The following ABCB1 variants were observed in gnomAD, a reference collection of about 807,000 sequenced individuals.
The protein encoded by ABCB1 is ATP-dependent translocase ABCB1.
ABCB1 carries 69 observed loss-of-function variants against 142.0 expected under a neutral mutation model. The ratio of observed to expected loss-of-function variants is 0.49; its 90% CI spans 0.40 to 0.59. The LOEUF (loss-of-function observed/expected upper bound fraction) is 0.59, where lower values mean the gene tolerates loss of function less well. Among genes scored for constraint, ABCB1 ranks in the 20% least tolerant of loss-of-function variants. ABCB1 has a pLI of 0.00. For missense variants in ABCB1, 1,326 were observed against 1,554.7 expected, an observed-to-expected ratio of 0.85 and a Z score of 2.47; for synonymous variants, 532 against 539.2, an observed-to-expected ratio of 0.99 and a Z score of 0.18.
chr7:87,628,541 C>T, intron 1 of ABCB1: 1 of 296,480 alleles, frequency 3.4e-6, no homozygotes, highest in Non-Finnish European at 6.2e-6. Flanking sequence ...AGGCGCAGCC[C>T]GGCAGTCGGC....
chr7:87,515,427 T>C lies in ABCB1; in HGVS notation c.3086A>G (p.Asn1029Ser), dbSNP rs771856280. ...DSYSTEGLMP[N>S]TLEGNVTFGE... is the part of the protein sequence containing the mutation. ...AAATGTGACATTTCCTTCCAATGTG[T>C]TCTGCAATGAGAAGAATAACAGTAA... The change falls in exon 25 of 28, where the codon AAC (asparagine) becomes AGC (serine). Residue 1029 changes from asparagine to serine, a missense_variant and splice_region_variant. Physicochemically the swap from Asn to Ser is conservative, Grantham distance 46. Coordinates refer to ENST00000622132, the MANE Select transcript of ABCB1 (RefSeq NM_001348946.2). 84 of 1,613,954 alleles carry C rather than the reference T, an allele frequency of 5.2e-5. No homozygotes were observed. Among genetic ancestry groups the C allele is most frequent in the Non-Finnish European group, 6.6e-5 (78 of 1,179,928 alleles).
At chr7:87,534,915 T>C (rs6973406) in intron 20 of ABCB1, among the ~76,000 whole-genome samples, 1,557 of 96,384 alleles carry the variant, frequency 0.016, 36 homozygotes, top group African/African-American at 0.082. Flanking sequence ...ACCCTGTCTC[T>C]TTAAAAAAAA....
intron 3 of ABCB1, among the ~76,000 whole-genome samples, chr7:87,593,425 T>C (rs2129969448): frequency 6.6e-6 from 1 of 152,338 alleles, no homozygotes; most frequent in African/African-American, 2.4e-5. Flanking sequence ...TTTTTAAGAT[T>C]GCTAAAAAAT....
intron 21 of ABCB1, 88 bp downstream of exon 21, chr7:87,531,206 G>T: frequency 9.0e-7 from 1 of 1,114,308 alleles, no homozygotes; most frequent in African/African-American, 1.6e-5. Context: ...CATTCTTAGA[G>T]CATAGTAAGC....
chr7:87,687,023 A>C (rs908739439), intron 1 of ABCB1, among the ~76,000 whole-genome samples: 5 of 152,248 alleles, frequency 3.3e-5, no homozygotes, highest in African/African-American at 1.2e-4. Flanking sequence ...TTAGAAATGT[A>C]GCACTTATTA....
intron 9 of ABCB1, among the ~76,000 whole-genome samples, chr7:87,552,563 T>C (rs893899737): frequency 2.0e-5 from 3 of 152,006 alleles, no homozygotes; most frequent in African/African-American, 4.8e-5. Context: ...CAGTGAACAC[T>C]GGATTTAAAC....
intron 27 of ABCB1, among the ~76,000 whole-genome samples, 163 bp from the exon 28 acceptor site, chr7:87,504,612 T>C (rs560820953): frequency 1.3e-4 from 20 of 152,262 alleles, no homozygotes; most frequent in South Asian, 6.2e-4. Flanking sequence ...GAGACCATCC[T>C]GGCTAACACG....
intron 2 of ABCB1, among the ~76,000 whole-genome samples, chr7:87,598,636 G>A (rs1819310454): frequency 6.6e-6 from 1 of 152,090 alleles, no homozygotes; most frequent in South Asian, 2.1e-4. Flanking sequence ...AAAGATCATT[G>A]CTTTATTTTC....
chr7:87,585,754 A>C (rs1456577622), intron 3 of ABCB1, 74 bp from the exon 4 acceptor site: 3 of 1,509,758 alleles, frequency 2.0e-6, no homozygotes, highest in Non-Finnish European at 2.7e-6. Flanking sequence ...TTCCTTCAAA[A>C]TATATCCAAA....
chr7:87,557,767 T>C (rs1817366350), intron 8 of ABCB1, among the ~76,000 whole-genome samples: 1 of 152,244 alleles, frequency 6.6e-6, no homozygotes, highest in African/African-American at 2.4e-5. Context: ...TGGGCTTCAC[T>C]CCCACAATGT....
At chr7:87,548,197 AAGGGAAGGGAAAGGAAGG>A (rs1816885703) in intron 14 of ABCB1, among the ~76,000 whole-genome samples, 2 of 92,224 alleles carry the variant, frequency 2.2e-5, no homozygotes, top group Non-Finnish European at 4.4e-5. Context: ...AAAGGAAGGG[AAGGGAAGGGAAAGGAAGG>A]GAAGGGAAGG....
At chr7:87,626,211 G>GTGTCATATATATGTCATATATAT (rs1820486781) in intron 1 of ABCB1, among the ~76,000 whole-genome samples, 1 of 98,994 alleles carries the variant, frequency 1.0e-5, no homozygotes, top group Admixed American at 1.1e-4. Context: ...TCATATATAT[G>GTGTCATATATATGTCATATATAT]TGTCATATAT....
chr7:87,543,240 G>C (rs1816620139), intron 17 of ABCB1, among the ~76,000 whole-genome samples: 1 of 152,150 alleles, frequency 6.6e-6, no homozygotes, highest in South Asian at 2.1e-4. Flanking sequence ...GCTGCAGTGA[G>C]CCGAGTTCGC....
At chr7:87,709,526 A>T in intron 1 of ABCB1, 1 of 985,294 alleles carries the variant, frequency 1.0e-6, no homozygotes, top group Non-Finnish European at 1.2e-6. Flanking sequence ...ATTGACTCGC[A>T]TGCTAACCAT....
intron 15 of ABCB1, 117 bp downstream of exon 15, chr7:87,545,746 A>G (rs967183813): frequency 9.2e-6 from 10 of 1,082,188 alleles, no homozygotes; most frequent in Non-Finnish European, 1.3e-5. Context: ...TGAATCCCCC[A>G]GGTGTTGTTT....
intron 1 of ABCB1, among the ~76,000 whole-genome samples, chr7:87,692,613 AT>A (rs1828116701): frequency 1.3e-5 from 2 of 152,190 alleles, no homozygotes; most frequent in South Asian, 4.1e-4. Flanking sequence ...TTTAAGTCAG[AT>A]TTTCATGGAA....
intron 21 of ABCB1, among the ~76,000 whole-genome samples, chr7:87,529,969 C>A (rs1459212981): frequency 6.6e-6 from 1 of 152,196 alleles, no homozygotes; most frequent in East Asian, 1.9e-4. Flanking sequence ...GAGGTTTGTC[C>A]CCTACAGACA....
chr7:87,618,915 A>C (rs578167078), intron 1 of ABCB1, among the ~76,000 whole-genome samples: 1 of 152,284 alleles, frequency 6.6e-6, no homozygotes, highest in South Asian at 2.1e-4. Context: ...CCCCACTCTT[A>C]CAACTACAAT....
chr7:87,585,161 G>T (rs868328734), intron 4 of ABCB1, among the ~76,000 whole-genome samples: 1 of 152,008 alleles, frequency 6.6e-6, no homozygotes, highest in Non-Finnish European at 1.5e-5. Flanking sequence ...CCGACTTTTC[G>T]TCTTACACCC....
Sources: gnomAD v4.1 joint callset for allele counts (sites outside exome capture counted in the v4.1 genomes callset) on GRCh38, gnomAD v4.1.1 for gene constraint, MANE v1.5 for transcripts, NCBI Gene and HGNC (gene_info 2026-07-23, HGNC 2026-07-21) for gene names.